Variants in ATM observed in about 807,000 individuals in gnomAD.
The protein encoded by ATM is ATM serine/threonine kinase, also known as serine-protein kinase ATM.
A neutral mutation model predicts 387.0 loss-of-function variants in ATM; 308 were observed. That is an observed-to-expected ratio of 0.80 (90% CI 0.73 to 0.87). ATM has a LOEUF of 0.87. Among genes scored for constraint, ATM ranks in the 40% least tolerant of loss-of-function variants. The probability of loss-of-function intolerance (pLI) is 0.00; values close to 1 mark genes in which losing one functional copy is unlikely to be tolerated. For missense variants in ATM, 3,312 were observed against 3,560.9 expected, an observed-to-expected ratio of 0.93 and a Z score of 1.78; for synonymous variants, 1,156 against 1,187.3, an observed-to-expected ratio of 0.97 and a Z score of 0.54.
In ATM at chr11:108,279,476, CT is replaced by C. The variant is rs1245305174; in HGVS notation, c.3285-13del. On this transcript the variant is annotated splice_polypyrimidine_tract_variant and intron_variant, in intron 22 of 62. Transcript: ENST00000675843. ...ATTTCACTTTTTGTTTGTTTGTTTG[CT>C]TGCTTGTTTTAAGATTGTTCCAGGA... The C allele has an allele frequency of 6.5e-7, 1 of 1,550,330 alleles. No individual in the cohort carries two copies. The highest frequency in any genetic ancestry group is 8.9e-7 in the Non-Finnish European group (1 of 1,129,428).
At chr11:108,277,900 T>G (rs1301287365) in intron 22 of ATM, among the ~76,000 whole-genome samples, 1 of 152,246 alleles carries the variant, frequency 6.6e-6, no homozygotes, top group East Asian at 1.9e-4. Context: ...ATATATTTAC[T>G]TCTCCGTATT....
intron 35 of ATM, 30 bp downstream of exon 35, chr11:108,301,819 AC>A: frequency 6.2e-7 from 1 of 1,608,726 alleles, no homozygotes. Context: ...TTTATTGAAT[AC>A]CCAGCATATC....
intron 7 of ATM, 135 bp from the exon 8 acceptor site, chr11:108,246,829 A>G: frequency 3.0e-6 from 2 of 662,644 alleles, no homozygotes; most frequent in Non-Finnish European, 5.4e-6. Context: ...CAGAAGAGGC[A>G]TTAGTACTGA....
intron 48 of ATM, among the ~76,000 whole-genome samples, chr11:108,328,318 C>G (rs1243443025): frequency 6.6e-6 from 1 of 152,204 alleles, no homozygotes; most frequent in East Asian, 1.9e-4. Context: ...GCAATCTCGG[C>G]TCACTGCAAC....
intron 35 of ATM, among the ~76,000 whole-genome samples, chr11:108,302,271 C>T (rs4988037): frequency 0.022 from 3,352 of 152,180 alleles, 54 homozygotes; most frequent in Middle Eastern, 0.044. Context: ...TGTTTAAGAA[C>T]ACTTGTTCCT....
intron 15 of ATM, among the ~76,000 whole-genome samples, chr11:108,258,689 C>A (rs1241492302): frequency 2.0e-5 from 3 of 152,090 alleles, no homozygotes; most frequent in African/African-American, 4.8e-5. Context: ...ATGTGTTTTT[C>A]CTCCTTTTTG....
At chr11:108,356,667 GA>G (rs1397161809) in intron 61 of ATM, among the ~76,000 whole-genome samples, 2 of 152,090 alleles carry the variant, frequency 1.3e-5, no homozygotes, top group Non-Finnish European at 2.9e-5. Flanking sequence ...GTGGATTTGG[GA>G]GTTTCTTCCA....
intron 22 of ATM, among the ~76,000 whole-genome samples, chr11:108,275,578 A>C (rs957600523): frequency 1.3e-5 from 2 of 152,102 alleles, no homozygotes; most frequent in Admixed American, 6.5e-5. Flanking sequence ...ATCTCTCAGC[A>C]TTTGCTTGTC....
Position 108,234,435 on chromosome 11 carries a change from A to G in ATM, c.332-1235A>G, listed in dbSNP as rs149991558. On this transcript the variant is annotated intron_variant, in intron 4 of 62. Transcript: ENST00000675843. ...ACGTAAATATAATTTACTGAAAATG[A>G]TAATTAAATTATTTTTAAATGTAAT... Among the ~76,000 whole-genome samples, 271 of 152,364 alleles carry G rather than the reference A, an allele frequency of 1.8e-3. 2 individuals are homozygous for G. The highest frequency in any genetic ancestry group is 6.3e-3 in the African/African-American group (261 of 41,580).
intron 33 of ATM, among the ~76,000 whole-genome samples, chr11:108,298,892 C>T (rs619972): frequency 0.5 from 76,261 of 152,038 alleles, 20,379 homozygotes; most frequent in Middle Eastern, 0.72. Flanking sequence ...TATATACTAG[C>T]AGTGCACAAT....
At chr11:108,331,772 A>G (rs1391701917) in intron 51 of ATM, 107 bp from the exon 52 acceptor site, 16 of 1,381,790 alleles carry the variant, frequency 1.2e-5, no homozygotes, top group African/African-American at 1.0e-4. Context: ...CGCTCTACCC[A>G]CTGCAGTATC....
At chr11:108,316,753 C>CAAAAAA (rs58165074) in intron 42 of ATM, among the ~76,000 whole-genome samples, 1 of 72,440 alleles carries the variant, frequency 1.4e-5, no homozygotes, top group African/African-American at 5.5e-5. Flanking sequence ...ACTAAAAATA[C>CAAAAAA]AAAAAAAAAA....
intron 61 of ATM, among the ~76,000 whole-genome samples, chr11:108,356,845 T>C (rs937980450): frequency 6.6e-6 from 1 of 152,198 alleles, no homozygotes; most frequent in Non-Finnish European, 1.5e-5. Context: ...GTAAGGACTT[T>C]GGATTTCCTT....
chr11:108,249,127 C>A (rs2135297040), intron 9 of ATM, 25 bp downstream of exon 9: 3 of 1,612,414 alleles, frequency 1.9e-6, no homozygotes, highest in Non-Finnish European at 2.5e-6. Context: ...TTTTCTCATT[C>A]AGTGTCATTT....
chr11:108,229,224 G>A lies in ATM; in HGVS notation c.232G>A (p.Ala78Thr), dbSNP rs878853493. The A allele has an allele frequency of 6.2e-7, 1 of 1,613,414 alleles. No individual in the cohort carries two copies. The highest frequency in any genetic ancestry group is 8.5e-7 in the Non-Finnish European group (1 of 1,179,698). Reference protein sequence around the residue: ...IQKETECLRIAKPNVSASTQA... With the variant: ...IQKETECLRITKPNVSASTQA... ...GAAAGAAACAGAATGTCTGAGAATA[G>A]CAAAACCAAATGTATCAGCCTCAAC... Residue 78 changes from alanine to threonine, a missense_variant, in exon 4 of 63, where the codon GCA (alanine) becomes ACA (threonine). Transcript: ENST00000675843.
intron 5 of ATM, 71 bp from the exon 6 acceptor site, chr11:108,243,882 G>A (rs2079689316): frequency 7.4e-7 from 1 of 1,353,468 alleles, no homozygotes; most frequent in Admixed American, 2.3e-5. Flanking sequence ...GAATATTTAA[G>A]TTAAATTGTA....
At position 108,227,648 on chromosome 11, in the gene ATM, G is replaced by A. The variant is rs1555053888; in HGVS notation, c.24G>A (p.Leu8=). 3 of 1,613,634 alleles carry A rather than the reference G, an allele frequency of 1.9e-6. No homozygotes were observed. Among genetic ancestry groups the A allele is most frequent in the Non-Finnish European group, 2.5e-6 (3 of 1,179,850 alleles). Residue 8 remains leucine, a synonymous_variant, in exon 2 of 63, where the codon CTG becomes CTA. Transcript: ENST00000675843. MSLVLND[L]LICCRQLEHD... is the part of the protein sequence containing the mutation. ...CCATGAGTCTAGTACTTAATGATCT[G>A]CTTATCTGCTGCCGTCAACTAGAAC... is the stretch of plus-strand genomic sequence containing the variant.
intron 16 of ATM, among the ~76,000 whole-genome samples, chr11:108,265,506 A>C (rs1477425701): frequency 2.0e-5 from 3 of 151,624 alleles, no homozygotes; most frequent in East Asian, 3.9e-4. Context: ...AGACTTAAAC[A>C]TTAGACCTAA....
intron 22 of ATM, among the ~76,000 whole-genome samples, chr11:108,277,765 G>C (rs2082024758): frequency 6.6e-6 from 1 of 152,182 alleles, no homozygotes; most frequent in Non-Finnish European, 1.5e-5. Flanking sequence ...TGGAAATGCA[G>C]AAATCACCAC....
Sources: gnomAD v4.1 joint callset for allele counts (sites outside exome capture counted in the v4.1 genomes callset) on GRCh38, gnomAD v4.1.1 for gene constraint, MANE v1.5 for transcripts, NCBI Gene and HGNC (gene_info 2026-07-23, HGNC 2026-07-21) for gene names.